The following OTOF variants were observed in gnomAD, a reference collection of about 807,000 sequenced individuals.
The protein encoded by OTOF is otoferlin.
In OTOF, 218 loss-of-function variants were observed where a neutral mutation model predicts 236.8. The observed-to-expected ratio is 0.92, with a 90% confidence interval of 0.82 to 1.03. OTOF has a LOEUF of 1.03. Ranked by LOEUF, OTOF falls within the 50% of genes least tolerant of loss-of-function variation. The pLI, the probability that OTOF is intolerant of heterozygous loss-of-function variation, is 0.00. For missense variants in OTOF, 2,590 were observed against 2,694.4 expected (o/e 0.96, Z 0.86); for synonymous variants, 1,041 against 1,072.5 (o/e 0.97, Z 0.57).
At chr2:26,466,435 C>G (rs1189461511) in intron 36 of OTOF, 2 of 514,898 alleles carry the variant, frequency 3.9e-6, no homozygotes, top group Non-Finnish European at 7.1e-6. Context: ...CTCCCAGGTT[C>G]AAGCGATTTT....
At chr2:26,546,353 C>T (rs773052432) in intron 1 of OTOF, among the ~76,000 whole-genome samples, 11 of 151,704 alleles carry the variant, frequency 7.3e-5, no homozygotes, top group African/African-American at 1.7e-4. Context: ...CCCAGCTACT[C>T]GGGAGGCTGA....
chr2:26,541,614 A>G (rs1326745476), intron 1 of OTOF, among the ~76,000 whole-genome samples: 1 of 152,234 alleles, frequency 6.6e-6, no homozygotes, highest in Non-Finnish European at 1.5e-5. Flanking sequence ...GGGGACCTCC[A>G]TCATCTGTTC....
chr2:26,485,934 G>A (rs568042705), intron 11 of OTOF, among the ~76,000 whole-genome samples: 4 of 152,358 alleles, frequency 2.6e-5, no homozygotes, highest in Admixed American at 2.0e-4. Flanking sequence ...CTCCAGGGAG[G>A]GGCCATGTCC....
chr2:26,467,151 C>G lies in OTOF; in HGVS notation c.4310G>C (p.Gly1437Ala). The G allele has an allele frequency of 6.2e-7, 1 of 1,614,006 alleles. No homozygotes were observed. The change falls in exon 35 of 47, where the codon GGG (glycine) becomes GCG (alanine). Residue 1437 changes from glycine (G) to alanine (A), a missense_variant. This residue lies in a region of OTOF where 1,211 missense variants were observed against 1,352.8 expected (regional missense o/e 0.90). Transcript: ENST00000272371. Reference sequence around the variant, plus strand: ...CTCGGTGGAGCCATCCTCATCATCCCCGGTCTTGCCCCGAAGCAAGTTGAA... The same window carrying G: ...CTCGGTGGAGCCATCCTCATCATCCGCGGTCTTGCCCCGAAGCAAGTTGAA... Reference protein sequence around the residue: ...HTFNLLRGKTGDDEDGSTEEE... With the variant: ...HTFNLLRGKTADDEDGSTEEE...
At chr2:26,525,975 T>G (rs1379477782) in intron 3 of OTOF, among the ~76,000 whole-genome samples, 1 of 150,100 alleles carries the variant, frequency 6.7e-6, no homozygotes, top group Non-Finnish European at 1.5e-5. Flanking sequence ...TAATCCCAGC[T>G]ACTCAGGAGG....
intron 13 of OTOF, 143 bp from the exon 14 acceptor site, chr2:26,482,735 G>A: frequency 1.5e-6 from 1 of 673,938 alleles, no homozygotes; most frequent in Non-Finnish European, 2.6e-6. Context: ...GTGAGTGGAT[G>A]CATGTGTGCG....
chr2:26,503,701 C>T, intron 6 of OTOF, 71 bp downstream of exon 6: 2 of 1,374,492 alleles, frequency 1.5e-6, no homozygotes, highest in Non-Finnish European at 2.1e-6. Context: ...GGCAGCCGGG[C>T]AGGGGCTGGA....
chr2:26,480,112 G>C (rs776868270), intron 16 of OTOF, 91 bp downstream of exon 16: 52 of 799,330 alleles, frequency 6.5e-5, no homozygotes, highest in Middle Eastern at 3.1e-4. Context: ...GAGGTGCAGA[G>C]CCTCACACTT....
At chr2:26,472,755 T>TC in intron 29 of OTOF, 106 bp from the exon 30 acceptor site, 1 of 1,198,406 alleles carries the variant, frequency 8.3e-7, no homozygotes, top group Admixed American at 2.0e-5. Context: ...TCTGGAACTT[T>TC]CTGAGGGAGA....
Position 26,479,004 on chromosome 2 carries a change from G to A in OTOF, c.2214+260C>T, listed in dbSNP as rs111446456. Among the ~76,000 whole-genome samples, 1,221 of 152,326 alleles carry A rather than the reference G, an allele frequency of 8.0e-3. 17 individuals carry two copies. Among genetic ancestry groups the A allele is most frequent in the African/African-American group, 0.028 (1,155 of 41,574 alleles). On this transcript the variant is annotated intron_variant, in intron 18 of 46. Transcript: ENST00000272371. ...GTGAGCCACCACACCTGTCTCCCTA[G>A]CCTTGCTTTTAAGATTTCTGGAAAA... is the stretch of plus-strand genomic sequence containing the variant.
Position 26,483,794 on chromosome 2 carries a change from AC to A in OTOF, c.1206-147del. ...AGGATTAGACACTTGTGTTCACGGA[AC>A]TTGCCCCTTGTGGGATTCTGGGCAA... On this transcript the variant is annotated intron_variant, in intron 12 of 46. Transcript: ENST00000272371. 4 of 718,402 alleles carry A rather than the reference AC, an allele frequency of 5.6e-6. No homozygotes were observed. The Admixed American group carries it at 1.1e-4, about 19-fold the overall frequency. 44.5% of individuals were successfully genotyped at this position (718,402 alleles called of 1,614,324 possible).
intron 18 of OTOF, among the ~76,000 whole-genome samples, chr2:26,478,351 G>A (rs961434869): frequency 3.9e-5 from 6 of 152,232 alleles, no homozygotes; most frequent in African/African-American, 1.4e-4. Flanking sequence ...ATGACAAGGA[G>A]GACATTGGCA....
intron 1 of OTOF, among the ~76,000 whole-genome samples, chr2:26,547,208 C>A (rs1359193428): frequency 6.6e-6 from 1 of 152,164 alleles, no homozygotes; most frequent in Non-Finnish European, 1.5e-5. Context: ...TTGTCAAATG[C>A]ATTTTCTGCA....
Position 26,477,238 on chromosome 2 carries a change from G to A in OTOF, c.2457C>T (p.His819=), listed in dbSNP as rs772678450. Residue 819 remains histidine (H), a synonymous_variant, in exon 21 of 47, where the codon CAC becomes CAT. Coordinates refer to ENST00000272371, the MANE Select transcript of OTOF (RefSeq NM_194248.3). The surrounding 1 kb of genome is among the most constrained non-coding windows in gnomAD (Gnocchi z 4.7). ...ARMLRAQVKR[H]TVRDKLRLCQ... The stretch of plus-strand genomic sequence containing the variant: ...ACAGCCTCAGCTTGTCCCGCACCGT[G>A]TGCCGCTTCACCTGGGCCCGCAGCA... 10 of 1,609,718 alleles carry A rather than the reference G, an allele frequency of 6.2e-6. No individual in the cohort carries two copies. The highest frequency in any genetic ancestry group is 8.5e-6 in the Non-Finnish European group (10 of 1,179,236).
intron 24 of OTOF, 122 bp downstream of exon 24, chr2:26,475,792 A>C: frequency 7.7e-7 from 1 of 1,304,020 alleles, no homozygotes; most frequent in Non-Finnish European, 1.1e-6. Context: ...AAACCGGGGC[A>C]CTGGCTGACC....
rs780234165 is a variant in OTOF at position 26,475,983 on chromosome 2, G to C, written c.2922C>G (p.Ala974=). 2 of 1,612,628 alleles carry C rather than the reference G, an allele frequency of 1.2e-6. No individual in the cohort carries two copies. The highest frequency in any genetic ancestry group is 1.7e-5 in the Admixed American group (1 of 59,972). ...GGTCTGAGAGTCCGCTGCTGTCGGC[G>C]GCAAAGAGGCTGCGGGCCTGGTACA... ...AHMYQARSLF[A]ADSSGLSDPF... is the part of the protein sequence containing the mutation. Residue 974 remains alanine (A), a synonymous_variant, in exon 24 of 47, where the codon GCC becomes GCG. Transcript: ENST00000272371.
intron 13 of OTOF, among the ~76,000 whole-genome samples, chr2:26,483,115 G>A (rs1189851934): frequency 1.3e-5 from 2 of 151,614 alleles, no homozygotes; most frequent in South Asian, 2.1e-4. Flanking sequence ...GTGGGTGCAC[G>A]TGTGCACGGG....
intron 3 of OTOF, among the ~76,000 whole-genome samples, chr2:26,522,734 G>A (rs1413585800): frequency 6.6e-6 from 1 of 152,194 alleles, no homozygotes; most frequent in Non-Finnish European, 1.5e-5. Context: ...GAGGCCTGGG[G>A]TGAAGACCTG....
chr2:26,528,209 T>C (rs574856258), intron 2 of OTOF, among the ~76,000 whole-genome samples: 8 of 152,210 alleles, frequency 5.3e-5, no homozygotes, highest in African/African-American at 1.7e-4. Flanking sequence ...ACCAGGACTT[T>C]TGACTCCCTA....
Sources: gnomAD v4.1 joint callset for allele counts (sites outside exome capture counted in the v4.1 genomes callset) on GRCh38, gnomAD v4.1.1 for gene constraint, gnomAD v4.1.1 regional missense constraint, Gnocchi (gnomAD v3.1) non-coding constraint, MANE v1.5 for transcripts, NCBI Gene and HGNC (gene_info 2026-07-23, HGNC 2026-07-21) for gene names.